The following BNC1 variants were observed in gnomAD, a reference collection of about 807,000 sequenced individuals.
BNC1 encodes zinc finger protein basonuclin-1.
A neutral mutation model predicts 66.5 loss-of-function variants in BNC1; 8 were observed. The observed-to-expected ratio is 0.12, with a 90% CI of 0.07 to 0.22. BNC1 has a LOEUF of 0.22. Among genes scored for constraint, BNC1 ranks in the 10% least tolerant of loss-of-function variants. The pLI, the probability that BNC1 is intolerant of heterozygous loss-of-function variation, is 1.00. For missense variants in BNC1, 1,069 were observed against 1,241.3 expected, an observed-to-expected ratio of 0.86 and a Z score of 2.09; for synonymous variants, 454 against 452.6, an observed-to-expected ratio of 1.00 and a Z score of -0.04.
rs1474909147 is a variant in BNC1 at position 83,263,727 on chromosome 15, G to A, written c.1524C>T (p.Leu508=). Residue 508 remains leucine, a synonymous_variant, in exon 4 of 5, where the codon CTC becomes CTT. Coordinates refer to ENST00000345382, the MANE Select transcript of BNC1 (RefSeq NM_001717.4). ...AAGAGGACAACAGCGGGAGGGAAGGGAGTATCCCAGGCGTGTTTGCTACCT... is the reference window on the plus strand; with the variant it reads ...AAGAGGACAACAGCGGGAGGGAAGGAAGTATCCCAGGCGTGTTTGCTACCT... ...PAEVANTPGI[L]PSLPLLSSSI... 1 of 1,614,132 alleles carries A rather than the reference G, an allele frequency of 6.2e-7. No homozygotes were observed. The highest frequency in any genetic ancestry group is 2.2e-5 in the East Asian group (1 of 44,898).
Position 83,266,893 on chromosome 15 carries a change from C to A in BNC1, c.378G>T (p.Gln126His), listed in dbSNP as rs2038223412. 1 of 1,614,194 alleles carries A rather than the reference C, an allele frequency of 6.2e-7. No individual in the cohort carries two copies. The highest frequency in any genetic ancestry group is 8.5e-7 in the Non-Finnish European group (1 of 1,180,028). The change falls in exon 3 of 5, where the codon CAG (glutamine) becomes CAT (histidine). Residue 126 changes from glutamine to histidine, a missense_variant. Gln to His is a conservative substitution (Grantham distance 24). This residue lies in a region of BNC1 where 39 missense variants were observed against 89.5 expected (regional missense o/e 0.44). Coordinates refer to ENST00000345382, the MANE Select transcript of BNC1 (RefSeq NM_001717.4). ...FSVLKQDEVL[Q>H]ILHALDWTLQ... ...GTGTCCAGTCCAAGGCATGGAGGATCTGGAGAACCTCATCTTGCTTCAACA... is the reference window on the plus strand; with the variant it reads ...GTGTCCAGTCCAAGGCATGGAGGATATGGAGAACCTCATCTTGCTTCAACA...
chr15:83,274,380 A>G (rs543890016), intron 1 of BNC1, among the ~76,000 whole-genome samples: 8 of 152,274 alleles, frequency 5.3e-5, no homozygotes, highest in African/African-American at 1.9e-4. Context: ...GTGAGACTCC[A>G]TCTCAAAATA....
At chr15:83,268,656 A>G (rs907621603) in intron 1 of BNC1, among the ~76,000 whole-genome samples, 1 of 152,244 alleles carries the variant, frequency 6.6e-6, no homozygotes, top group Non-Finnish European at 1.5e-5. Context: ...AGTAATCTAC[A>G]TATAAAATTT....
chr15:83,283,908 T>TTTGTTG (rs928334559), intron 1 of BNC1, among the ~76,000 whole-genome samples: 26 of 152,218 alleles, frequency 1.7e-4, no homozygotes, highest in African/African-American at 5.1e-4. Context: ...TGTTTTGTTT[T>TTTGTTG]TTGTTGTTGT....
intron 1 of BNC1, among the ~76,000 whole-genome samples, chr15:83,273,628 A>G (rs986914095): frequency 6.6e-6 from 1 of 152,224 alleles, no homozygotes; most frequent in Non-Finnish European, 1.5e-5. Context: ...TTTCTCATTT[A>G]TCTAAAAACT....
chr15:83,268,837 A>T (rs1448060856), intron 1 of BNC1, among the ~76,000 whole-genome samples: 1 of 152,228 alleles, frequency 6.6e-6, no homozygotes, highest in Non-Finnish European at 1.5e-5. Context: ...CTTGCATGTT[A>T]TGGTGCCATG....
intron 4 of BNC1, among the ~76,000 whole-genome samples, chr15:83,262,578 A>T (rs977643213): frequency 6.6e-6 from 1 of 151,674 alleles, no homozygotes; most frequent in African/African-American, 2.4e-5. Context: ...TTTGCAGCCA[A>T]ATTAGGTTAG....
chr15:83,267,463 G>A (rs2038228958), intron 2 of BNC1, among the ~76,000 whole-genome samples: 1 of 152,064 alleles, frequency 6.6e-6, no homozygotes, highest in African/African-American at 2.4e-5. Flanking sequence ...GTTAGTTGTG[G>A]GGCTTGACAT....
rs961473043 is a variant in BNC1, at chr15:83,258,065, C to G, written c.2362G>C (p.Glu788Gln). ...ALSQEALESSEDHFRAAYLLK... is the reference protein window; with the variant it reads ...ALSQEALESSQDHFRAAYLLK... ...AGGTAAGCTGCACGGAAATGATCTT[C>G]ACTACTCTCCAATGCTTCCTGGCTC... Residue 788 changes from glutamate (E) to glutamine (Q), a missense_variant, in exon 5 of 5, where the codon GAA becomes CAA. Glu to Gln is a conservative substitution (Grantham distance 29). Transcript: ENST00000345382. 1 of 1,612,472 alleles carries G rather than the reference C, an allele frequency of 6.2e-7. No individual in the cohort carries two copies. The highest frequency in any genetic ancestry group is 1.1e-5 in the South Asian group (1 of 91,068).
chr15:83,282,132 C>G (rs1188064695), intron 1 of BNC1, among the ~76,000 whole-genome samples: 1 of 152,202 alleles, frequency 6.6e-6, no homozygotes, highest in Admixed American at 6.5e-5. Context: ...ACTATAGGTA[C>G]AGATGATATT....
In BNC1 at chr15:83,266,923, G is replaced by T. The variant is rs1485542533; in HGVS notation, c.348C>A (p.Phe116Leu). Reference protein sequence around the residue: ...VRLKILLDRLFSVLKQDEVLQ... With the variant: ...VRLKILLDRLLSVLKQDEVLQ... ...GAACCTCATCTTGCTTCAACACACT[G>T]AAGAGCCGGTCCAGTAGGATTTTTA... Residue 116 changes from phenylalanine (F) to leucine (L), a missense_variant, in exon 3 of 5, where the codon TTC (phenylalanine) becomes TTA (leucine). Physicochemically the swap from Phe to Leu is conservative, Grantham distance 22. Transcript: ENST00000345382. 1 of 1,614,078 alleles carries T rather than the reference G, an allele frequency of 6.2e-7. No homozygotes were observed. The highest frequency in any genetic ancestry group is 1.7e-5 in the Admixed American group (1 of 60,002).
In BNC1 at chr15:83,263,005, G is replaced by A. The variant is rs753611656; in HGVS notation, c.2246C>T (p.Thr749Ile). ...AGCATTACAGCCCTCCACTGTGCAT[G>A]TGTGCATTTCTTTGACATGCATATT... is the stretch of plus-strand genomic sequence containing the variant. Reference protein sequence around the residue: ...HKNMHVKEMHTCTVEGCNATF... With the variant: ...HKNMHVKEMHICTVEGCNATF... The change falls in exon 4 of 5, where the codon ACA becomes ATA. Residue 749 changes from threonine (T) to isoleucine (I), a missense_variant. Coordinates refer to ENST00000345382, the MANE Select transcript of BNC1 (RefSeq NM_001717.4). 3 of 1,614,184 alleles carry A rather than the reference G, an allele frequency of 1.9e-6. No homozygotes were observed. Among genetic ancestry groups the A allele is most frequent in the Non-Finnish European group, 2.5e-6 (3 of 1,180,022 alleles).
chr15:83,257,271 C>A lies in BNC1; in HGVS notation c.*171G>T. ...ATAGGAAGGGCTGCCCCAGTGTCAT[C>A]TTCCCACGAGGTTTGTCTTTTGCTC... On this transcript the variant is annotated 3_prime_UTR_variant, in exon 5 of 5. Transcript: ENST00000345382. 2.7e-6 allele frequency: 2 copies of A among 744,626 alleles called. No homozygotes were observed. Among genetic ancestry groups the A allele is most frequent in the Non-Finnish European group, 4.3e-6 (2 of 467,452 alleles). 46.1% of individuals were successfully genotyped at this position (744,626 alleles called of 1,614,324 possible). A position where few individuals can be genotyped will look rare whatever the true frequency, so the allele number is the denominator to read the frequency against.
intron 1 of BNC1, among the ~76,000 whole-genome samples, chr15:83,275,893 T>C (rs1369218926): frequency 6.6e-6 from 1 of 151,988 alleles, no homozygotes; most frequent in Non-Finnish European, 1.5e-5. Context: ...CTTTTTTTTT[T>C]TATGTATGAA....
chr15:83,268,307 C>T, intron 1 of BNC1, 75 bp from the exon 2 acceptor site: 1 of 1,306,782 alleles, frequency 7.7e-7, no homozygotes, highest in Non-Finnish European at 1.1e-6. Flanking sequence ...TCAAACAAAA[C>T]ATATTCCTCC....
intron 1 of BNC1, among the ~76,000 whole-genome samples, chr15:83,277,090 CTTTTT>C (rs991172183): frequency 6.6e-6 from 1 of 152,100 alleles, no homozygotes; most frequent in South Asian, 2.1e-4. Context: ...TCAGGATTTT[CTTTTT>C]TTGAGACAGG....
chr15:83,275,199 T>A (rs995778204), intron 1 of BNC1, among the ~76,000 whole-genome samples: 1 of 152,112 alleles, frequency 6.6e-6, no homozygotes, highest in African/African-American at 2.4e-5. Flanking sequence ...AGGCAAGTGT[T>A]ATGAAAGAAC....
chr15:83,265,660 G>A (rs754899346), intron 3 of BNC1, among the ~76,000 whole-genome samples: 3 of 152,106 alleles, frequency 2.0e-5, no homozygotes, highest in Non-Finnish European at 4.4e-5. Flanking sequence ...TCTGCTGGGG[G>A]TCCTGCACTA....
intron 1 of BNC1, among the ~76,000 whole-genome samples, chr15:83,269,428 C>CGTGTGTGT (rs59308826): frequency 6.7e-6 from 1 of 150,256 alleles, no homozygotes; most frequent in Admixed American, 6.6e-5. Flanking sequence ...CTGGGAAGTG[C>CGTGTGTGT]GTGTGTGTGT....
Sources: gnomAD v4.1 joint callset for allele counts (sites outside exome capture counted in the v4.1 genomes callset) on GRCh38, gnomAD v4.1.1 for gene constraint, gnomAD v4.1.1 regional missense constraint, MANE v1.5 for transcripts, NCBI Gene and HGNC (gene_info 2026-07-23, HGNC 2026-07-21) for gene names.